PIWIL2: variants seen among roughly 807,000 people sequenced by gnomAD.
The protein encoded by PIWIL2 is piwi-like protein 2.
A neutral mutation model predicts 116.5 loss-of-function variants in PIWIL2; 81 were observed. The observed-to-expected ratio is 0.70, with a 90% CI of 0.58 to 0.84. PIWIL2 has a LOEUF of 0.84. PIWIL2 is among the 40% of genes least tolerant of loss of function. The probability of loss-of-function intolerance (pLI) is 0.00; values close to 1 mark genes in which losing one functional copy is unlikely to be tolerated. For missense variants in PIWIL2, 1,272 were observed against 1,212.3 expected (o/e 1.05, Z -0.73); for synonymous variants, 489 against 429.5 (o/e 1.14, Z -1.71).
intron 1 of PIWIL2, among the ~76,000 whole-genome samples, chr8:22,276,694 A>G (rs1309611858): frequency 6.6e-6 from 1 of 152,136 alleles, no homozygotes; most frequent in Non-Finnish European, 1.5e-5. Context: ...TGAGGTCAGC[A>G]GTTTGAGACC....
chr8:22,323,718 A>G (rs957034198), intron 20 of PIWIL2, among the ~76,000 whole-genome samples: 8 of 152,230 alleles, frequency 5.3e-5, no homozygotes, highest in African/African-American at 7.2e-5. Context: ...GTAAGAGTCA[A>G]AGATACTGGC....
Position 22,315,148 on chromosome 8 carries a change from G to C in PIWIL2, c.2208+3G>C. 7.0e-7 allele frequency: 1 copy of C among 1,435,672 alleles called. No homozygotes were observed. The highest frequency in any genetic ancestry group is 9.8e-7 in the Non-Finnish European group (1 of 1,017,318). 88.9% of individuals were successfully genotyped at this position (1,435,672 alleles called of 1,614,324 possible). ...TCTGGGGAGTGGATATTCCTCTGGTGAGTGATGCCGAGATGGTTCAGTTTG... is the reference window on the plus strand; with the variant it reads ...TCTGGGGAGTGGATATTCCTCTGGTCAGTGATGCCGAGATGGTTCAGTTTG... On this transcript the variant is annotated splice_donor_region_variant and intron_variant, in intron 18 of 22. Transcript: ENST00000356766.
intron 5 of PIWIL2, 141 bp downstream of exon 5, chr8:22,283,381 T>C: frequency 6.1e-6 from 4 of 653,344 alleles, no homozygotes; most frequent in Non-Finnish European, 8.1e-6. Context: ...TTTTTGCCAG[T>C]GGGAGATTGA....
At chr8:22,304,901 T>C (rs372395504) in intron 12 of PIWIL2, 33 bp downstream of exon 12, 1 of 1,412,632 alleles carries the variant, frequency 7.1e-7, no homozygotes, top group African/African-American at 1.4e-5. Context: ...CAATTCCAGC[T>C]TAAGTTCTTC....
chr8:22,307,843 A>G, intron 13 of PIWIL2, 90 bp from the exon 14 acceptor site: 2 of 969,972 alleles, frequency 2.1e-6, no homozygotes, highest in Middle Eastern at 3.4e-4. Flanking sequence ...TTCAATGGGA[A>G]AGAGAAACAT....
rs1832353552 is a variant in PIWIL2 at position 22,351,440 on chromosome 8, CATATATATATATATATA to C, written c.2404-1518_2404-1502del. ...ACCTGTAAGGAACAGTGCATACATA[CATATATATATATATATA>C]TATATATATATATATATATATATAT... On this transcript the variant is annotated intron_variant, in intron 20 of 22. Coordinates refer to ENST00000356766, the MANE Select transcript of PIWIL2 (RefSeq NM_018068.5). 2.1e-4 allele frequency among the ~76,000 whole-genome samples: 11 copies of C among 52,932 alleles called. 1 individual carries two copies. Among genetic ancestry groups the C allele is most frequent in the African/African-American group, 4.5e-4 (8 of 17,884 alleles). The allele number at this position is 52,932 out of a possible 152,430, so 34.7% of individuals were successfully genotyped here.
At chr8:22,338,456 C>G (rs1015288385) in intron 20 of PIWIL2, among the ~76,000 whole-genome samples, 1 of 152,020 alleles carries the variant, frequency 6.6e-6, no homozygotes, top group Admixed American at 6.6e-5. Context: ...TTTAGAAGAC[C>G]GAGGTGGGCG....
chr8:22,284,100 G>A, intron 5 of PIWIL2, 62 bp from the exon 6 acceptor site: 2 of 781,234 alleles, frequency 2.6e-6, no homozygotes, highest in South Asian at 3.4e-5. Context: ...TGTGTGGGTT[G>A]GTTAGTTATT....
At chr8:22,345,532 T>C (rs1366293244) in intron 20 of PIWIL2, among the ~76,000 whole-genome samples, 1 of 151,974 alleles carries the variant, frequency 6.6e-6, no homozygotes, top group Non-Finnish European at 1.5e-5. Flanking sequence ...GGCATGGTGG[T>C]GTGCACCTGT....
In PIWIL2 at chr8:22,356,691, C is replaced by T. The variant is rs1832496959; in HGVS notation, c.*1186C>T. On this transcript the variant is annotated 3_prime_UTR_variant, in exon 23 of 23. Coordinates refer to ENST00000356766, the MANE Select transcript of PIWIL2 (RefSeq NM_018068.5). ...CCCCCTTTCTCTTGCAAAATAACCG[C>T]TTCCTGGCTGTTGGCTCACTTTGCT... is the stretch of plus-strand genomic sequence containing the variant. The T allele has an allele frequency of 6.6e-6, 1 of 152,156 alleles. No individual in the cohort carries two copies. Among genetic ancestry groups the T allele is most frequent in the Non-Finnish European group, 1.5e-5 (1 of 68,024 alleles). 9.4% of individuals were successfully genotyped at this position (152,156 alleles called of 1,614,324 possible).
intron 10 of PIWIL2, among the ~76,000 whole-genome samples, chr8:22,298,639 A>G (rs909999441): frequency 5.3e-5 from 8 of 152,192 alleles, no homozygotes; most frequent in African/African-American, 1.7e-4. Context: ...TTTCAAAATT[A>G]TCTTGGTTGG....
chr8:22,349,050 T>C (rs1428390932), intron 20 of PIWIL2, among the ~76,000 whole-genome samples: 1 of 112,332 alleles, frequency 8.9e-6, no homozygotes, highest in Non-Finnish European at 1.9e-5. Context: ...TTTTCTTTTT[T>C]CTTTTTTTTT....
chr8:22,357,231 G>A lies in PIWIL2; in HGVS notation c.*1726G>A, dbSNP rs1184573621. The A allele has an allele frequency of 6.6e-6, 1 of 152,186 alleles. No individual in the cohort carries two copies. Among genetic ancestry groups the A allele is most frequent in the Non-Finnish European group, 1.5e-5 (1 of 68,038 alleles). 9.4% of individuals were successfully genotyped at this position (152,186 alleles called of 1,614,324 possible). ...TGCCCAGCCGAGGTTGAGGAGGGAT[G>A]GGTATTGTTGGTGCACTGCTGGTTT... On this transcript the variant is annotated 3_prime_UTR_variant, in exon 23 of 23. Coordinates refer to ENST00000356766, the MANE Select transcript of PIWIL2 (RefSeq NM_018068.5).
chr8:22,307,473 ATTTTTTTTTT>A (rs56755716), intron 13 of PIWIL2, among the ~76,000 whole-genome samples: 2 of 111,256 alleles, frequency 1.8e-5, no homozygotes, highest in African/African-American at 4.4e-5. Context: ...TTTATTATTC[ATTTTTTTTTT>A]TTTTTTTTTT....
intron 20 of PIWIL2, among the ~76,000 whole-genome samples, chr8:22,326,739 T>C (rs867047946): frequency 6.6e-6 from 1 of 152,240 alleles, no homozygotes; most frequent in African/African-American, 2.4e-5. Context: ...ATCCTTTCAC[T>C]TGTTGATAAA....
intron 20 of PIWIL2, among the ~76,000 whole-genome samples, chr8:22,327,482 G>A (rs575896585): frequency 1.4e-3 from 206 of 149,546 alleles, no homozygotes; most frequent in Non-Finnish European, 1.8e-3. Context: ...ATTCTCCTGC[G>A]TCAGCCTCCT....
rs182655883 is a variant in PIWIL2 at position 22,288,619 on chromosome 8, G to T, written c.939G>T (p.Glu313Asp). 1.3e-5 allele frequency: 21 copies of T among 1,613,678 alleles called. No individual in the cohort carries two copies. In the Admixed American group the frequency reaches 1.8e-4, roughly 14 times the overall value. Residue 313 changes from glutamate (E) to aspartate (D), a missense_variant, in exon 8 of 23, where the codon GAG becomes GAT. By Grantham distance (45) the Glu-to-Asp change is conservative. Transcript: ENST00000356766. ...AGATTCAGATGACAAAGATCCTGGA[G>T]CCCTGCTCTGACCTGTGCATTCCCT... The part of the protein sequence containing the change: ...SIKIQMTKIL[E>D]PCSDLCIPFY...
chr8:22,321,798 A>G, intron 20 of PIWIL2: 1 of 919,928 alleles, frequency 1.1e-6, no homozygotes, highest in Non-Finnish European at 1.3e-6. Flanking sequence ...GGGTTCTAAG[A>G]TTCTGACTAC....
intron 10 of PIWIL2, among the ~76,000 whole-genome samples, chr8:22,292,372 G>C (rs904169145): frequency 5.3e-5 from 8 of 152,240 alleles, no homozygotes; most frequent in African/African-American, 1.9e-4. Flanking sequence ...TGGTAATCCA[G>C]TGGAGCCATG....
Sources: gnomAD v4.1 joint callset for allele counts (sites outside exome capture counted in the v4.1 genomes callset) on GRCh38, gnomAD v4.1.1 for gene constraint, MANE v1.5 for transcripts, NCBI Gene and HGNC (gene_info 2026-07-23, HGNC 2026-07-21) for gene names.